Variants in GMDS observed in about 807,000 individuals in gnomAD.
GMDS encodes GDP-mannose 4,6-dehydratase.
A neutral mutation model predicts 49.9 loss-of-function variants in GMDS; 20 were observed. The ratio of observed to expected loss-of-function variants is 0.40; its 90% CI spans 0.28 to 0.58. The LOEUF (loss-of-function observed/expected upper bound fraction) is 0.58. Among genes scored for constraint, GMDS ranks in the 20% least tolerant of loss-of-function variants. The probability of loss-of-function intolerance (pLI) is 0.42; values close to 1 mark genes in which losing one functional copy is unlikely to be tolerated. For synonymous variants in GMDS, 177 were observed against 178.6 expected, an observed-to-expected ratio of 0.99 and a Z score of 0.07; for missense variants, 362 against 481.4, an observed-to-expected ratio of 0.75 and a Z score of 2.32.
At chr6:2,183,306 T>C (rs527938660) in intron 1 of GMDS, among the ~76,000 whole-genome samples, 2 of 151,998 alleles carry the variant, frequency 1.3e-5, no homozygotes, top group African/African-American at 4.8e-5. Context: ...ATAGCAACAT[T>C]AACATAAGTT....
intron 7 of GMDS, among the ~76,000 whole-genome samples, chr6:1,878,214 C>CTACT (rs1176849206): frequency 1.4e-5 from 2 of 147,084 alleles, no homozygotes; most frequent in African/African-American, 5.1e-5. Flanking sequence ...ACTTGGGAGG[C>CTACT]TGAGGCAGGA....
chr6:2,176,207 T>C (rs770179346), intron 1 of GMDS, among the ~76,000 whole-genome samples: 1 of 152,194 alleles, frequency 6.6e-6, no homozygotes, highest in Non-Finnish European at 1.5e-5. Flanking sequence ...TCACTATATT[T>C]ATTAATTATA....
intron 4 of GMDS, among the ~76,000 whole-genome samples, chr6:2,095,783 T>C (rs959077999): frequency 4.6e-5 from 7 of 152,212 alleles, no homozygotes; most frequent in Non-Finnish European, 7.3e-5. Context: ...ATATAAACCC[T>C]TTCAATGATA....
intron 1 of GMDS, among the ~76,000 whole-genome samples, chr6:2,153,112 T>C (rs1186639232): frequency 6.6e-6 from 1 of 152,158 alleles, no homozygotes; most frequent in Non-Finnish European, 1.5e-5. Context: ...ATCAATGGAC[T>C]ATTCAATAAA....
intron 6 of GMDS, among the ~76,000 whole-genome samples, chr6:1,948,091 C>T (rs909805231): frequency 2.6e-5 from 4 of 152,112 alleles, no homozygotes; most frequent in Admixed American, 1.3e-4. Context: ...CTTAAGTGAA[C>T]ACTATGATTA....
chr6:2,127,730 T>C (rs928511125), intron 1 of GMDS, among the ~76,000 whole-genome samples: 1 of 152,130 alleles, frequency 6.6e-6, no homozygotes, highest in African/African-American at 2.4e-5. Flanking sequence ...CCTCGTCCTT[T>C]CCCCAGGCCC....
At chr6:2,178,801 A>G (rs1010991934) in intron 1 of GMDS, among the ~76,000 whole-genome samples, 1 of 152,166 alleles carries the variant, frequency 6.6e-6, no homozygotes. Context: ...CCCTTTTTCA[A>G]TGTCTTTGAA....
chr6:1,776,995 T>C (rs143272239), intron 7 of GMDS, among the ~76,000 whole-genome samples: 1 of 152,284 alleles, frequency 6.6e-6, no homozygotes, highest in African/African-American at 2.4e-5. Context: ...AGGTCCCAGA[T>C]GATAGATGAG....
chr6:1,835,485 C>T (rs1353895754), intron 7 of GMDS, among the ~76,000 whole-genome samples: 1 of 152,080 alleles, frequency 6.6e-6, no homozygotes, highest in South Asian at 2.1e-4. Context: ...TAATGTGAAA[C>T]AGAGTTTACA....
chr6:2,216,697 C>G (rs891616804), intron 1 of GMDS, among the ~76,000 whole-genome samples: 50 of 152,142 alleles, frequency 3.3e-4, no homozygotes, highest in Non-Finnish European at 2.8e-4. Context: ...TAACTATCAA[C>G]TTGCACACAT....
At chr6:2,176,979 T>C (rs1778312466) in intron 1 of GMDS, among the ~76,000 whole-genome samples, 1 of 152,028 alleles carries the variant, frequency 6.6e-6, no homozygotes, top group Non-Finnish European at 1.5e-5. Context: ...AAAGGGATGG[T>C]CTCAGAAAAT....
intron 4 of GMDS, among the ~76,000 whole-genome samples, chr6:2,001,145 C>T (rs1019701696): frequency 1.3e-5 from 2 of 152,156 alleles, no homozygotes; most frequent in Admixed American, 6.5e-5. Context: ...AATTTCTTCA[C>T]CAACACCTGT....
rs541888039 is a variant in GMDS, at chr6:2,087,656, T to A, written c.345+28115A>T. On this transcript the variant is annotated intron_variant, in intron 4 of 10. Coordinates refer to ENST00000380815, the MANE Select transcript of GMDS (RefSeq NM_001500.4). Reference sequence around the variant, plus strand: ...TGACTGCTGTGGTAAGTAAACTTCATGTTTTAGCACTTAGCCACACGCAAT... The same window carrying A: ...TGACTGCTGTGGTAAGTAAACTTCAAGTTTTAGCACTTAGCCACACGCAAT... 6.0e-4 allele frequency among the ~76,000 whole-genome samples: 91 copies of A among 152,372 alleles called. No homozygotes were observed. The South Asian group carries it at 0.018, about 30-fold the overall frequency.
intron 9 of GMDS, among the ~76,000 whole-genome samples, chr6:1,692,267 G>T (rs1765200562): frequency 6.6e-6 from 1 of 152,230 alleles, no homozygotes; most frequent in African/African-American, 2.4e-5. Context: ...ACTCGGACTG[G>T]CTTCCTGGTT....
intron 3 of GMDS, among the ~76,000 whole-genome samples, chr6:2,116,621 ATCTTCC>A (rs1216703370): frequency 1.3e-5 from 2 of 152,236 alleles, no homozygotes; most frequent in Non-Finnish European, 2.9e-5. Flanking sequence ...CAACTGCATC[ATCTTCC>A]TGATGCTGTC....
intron 8 of GMDS, among the ~76,000 whole-genome samples, chr6:1,736,284 A>C (rs1766999846): frequency 6.6e-6 from 1 of 152,342 alleles, no homozygotes; most frequent in Non-Finnish European, 1.5e-5. Context: ...AGAAGTTCAG[A>C]AACATAAATG....
intron 7 of GMDS, among the ~76,000 whole-genome samples, chr6:1,816,076 G>T (rs1770657107): frequency 1.3e-5 from 2 of 152,210 alleles, no homozygotes. Context: ...ACCAGTGAGG[G>T]CGCTGAGCCA....
rs139907533 is a variant in GMDS at position 1,645,906 on chromosome 6, C to T, written c.988-21366G>A. 1.6e-3 allele frequency among the ~76,000 whole-genome samples: 248 copies of T among 152,324 alleles called. 2 individuals carry two copies. Among genetic ancestry groups the T allele is most frequent in the Middle Eastern group, 0.014 (4 of 294 alleles). Reference sequence around the variant, plus strand: ...ATCTGTGGTTATTTTGCCAATCCACCCACTACCCTGTCGTCTGCCTCCCTA... The same window carrying T: ...ATCTGTGGTTATTTTGCCAATCCACTCACTACCCTGTCGTCTGCCTCCCTA... On this transcript the variant is annotated intron_variant, in intron 9 of 10. Coordinates refer to ENST00000380815, the MANE Select transcript of GMDS (RefSeq NM_001500.4).
chr6:1,846,870 T>C (rs538118915), intron 7 of GMDS, among the ~76,000 whole-genome samples: 2 of 152,286 alleles, frequency 1.3e-5, no homozygotes, highest in African/African-American at 4.8e-5. Flanking sequence ...TATATCACTG[T>C]GGACTCTACT....
Sources: gnomAD v4.1 joint callset for allele counts (sites outside exome capture counted in the v4.1 genomes callset) on GRCh38, gnomAD v4.1.1 for gene constraint, MANE v1.5 for transcripts, NCBI Gene and HGNC (gene_info 2026-07-23, HGNC 2026-07-21) for gene names.